Variants in GRID2 observed in about 807,000 individuals in gnomAD.
GRID2 encodes glutamate ionotropic receptor delta type subunit 2.
GRID2 carries 33 observed loss-of-function variants against 114.8 expected under a neutral mutation model. The observed-to-expected ratio is 0.29, with a 90% CI of 0.22 to 0.38. The LOEUF (loss-of-function observed/expected upper bound fraction) is 0.38. Ranked by LOEUF, GRID2 falls within the 10% of genes least tolerant of loss-of-function variation. The pLI is 1.00. For synonymous variants in GRID2, 505 were observed against 449.9 expected, an observed-to-expected ratio of 1.12 and a Z score of -1.55; for missense variants, 1,184 against 1,257.7, an observed-to-expected ratio of 0.94 and a Z score of 0.89.
Position 92,434,897 on chromosome 4 carries a change from C to T in GRID2, c.88+130153C>T, listed in dbSNP as rs539324467. On this transcript the variant is annotated intron_variant, in intron 1 of 15. Coordinates refer to ENST00000282020, the MANE Select transcript of GRID2 (RefSeq NM_001510.4). The stretch of plus-strand genomic sequence containing the variant: ...AATCCCTATAATGCTGTAGAAAATT[C>T]GAATATTTAAAAATAGAAGATTACT... 5.3e-5 allele frequency among the ~76,000 whole-genome samples: 8 copies of T among 152,016 alleles called. No individual in the cohort carries two copies. The East Asian group carries it at 7.8e-4, about 15-fold the overall frequency.
At chr4:92,834,021 C>T (rs549279635) in intron 2 of GRID2, 3 of 152,132 alleles carry the variant, frequency 2.0e-5, no homozygotes, top group Non-Finnish European at 2.9e-5. Context: ...GTCCCAAATT[C>T]GTTTTTTTAG....
chr4:92,350,336 A>G (rs191842634), intron 1 of GRID2, among the ~76,000 whole-genome samples: 85 of 151,984 alleles, frequency 5.6e-4, no homozygotes, highest in African/African-American at 1.9e-3. Context: ...CTTTCTTTAT[A>G]AAAGAATTTA....
At position 93,265,859 on chromosome 4, in the gene GRID2, C is replaced by T. The variant is rs546406727; in HGVS notation, c.1245+27369C>T. ...GGCAGACTAGAGGAGAGCTTTAGTA[C>T]CCCATCATTTCTTGTTGCATTTGTA... On this transcript the variant is annotated intron_variant, in intron 8 of 15. Transcript: ENST00000282020. Among the ~76,000 whole-genome samples, 5 of 152,214 alleles carry T rather than the reference C, an allele frequency of 3.3e-5. No individual in the cohort carries two copies. The East Asian group carries it at 9.7e-4, about 29-fold the overall frequency.
chr4:93,419,532 C>A (rs1768056883), intron 9 of GRID2, among the ~76,000 whole-genome samples: 1 of 151,850 alleles, frequency 6.6e-6, no homozygotes, highest in Non-Finnish European at 1.5e-5. Context: ...AGTAATGGTC[C>A]AAATCCGTAA....
At chr4:93,616,184 A>G (rs1741621367) in intron 13 of GRID2, among the ~76,000 whole-genome samples, 1 of 152,186 alleles carries the variant, frequency 6.6e-6, no homozygotes, top group African/African-American at 2.4e-5. Flanking sequence ...ACAGGTAAGC[A>G]ATGTTGTACA....
chr4:93,185,795 G>T (rs1006744513), intron 4 of GRID2, among the ~76,000 whole-genome samples: 1 of 151,950 alleles, frequency 6.6e-6, no homozygotes, highest in African/African-American at 2.4e-5. Context: ...TGTGCACTAC[G>T]TGCAGGTTTG....
intron 1 of GRID2, among the ~76,000 whole-genome samples, chr4:92,587,098 CTGTGTGTGTGTGTGTGTGTG>C (rs70942914): frequency 1.5e-5 from 2 of 133,764 alleles, no homozygotes; most frequent in East Asian, 2.4e-4. Context: ...TGATGAAATG[CTGTGTGTGTGTGTGTGTGTG>C]TGTGTGTGTG....
chr4:92,729,689 T>C (rs1280104705), intron 2 of GRID2, among the ~76,000 whole-genome samples: 1 of 152,008 alleles, frequency 6.6e-6, no homozygotes, highest in Non-Finnish European at 1.5e-5. Context: ...ACTTCATACA[T>C]CATGGGGAAA....
At chr4:92,702,404 A>G (rs1245938282) in intron 2 of GRID2, 1 of 152,278 alleles carries the variant, frequency 6.6e-6, no homozygotes, top group African/African-American at 2.4e-5. Context: ...CATTCCCTAC[A>G]CTCATTGAAT....
chr4:93,110,600 A>G (rs1732672392), intron 3 of GRID2, 148 bp from the exon 4 acceptor site: 2 of 652,144 alleles, frequency 3.1e-6, no homozygotes, highest in East Asian at 5.1e-5. Context: ...CCTTAAACAT[A>G]CTTGAGAGTT....
intron 14 of GRID2, among the ~76,000 whole-genome samples, chr4:93,757,022 C>T (rs1732806160): frequency 6.6e-6 from 1 of 152,126 alleles, no homozygotes; most frequent in South Asian, 2.1e-4. Context: ...ATGGGCAGTT[C>T]TCAGGAACAT....
At chr4:93,411,683 C>T (rs1034921649) in intron 9 of GRID2, among the ~76,000 whole-genome samples, 3 of 152,030 alleles carry the variant, frequency 2.0e-5, no homozygotes, top group South Asian at 2.1e-4. Flanking sequence ...CTGCCTGCCT[C>T]GGCCTCCCAA....
At chr4:93,581,595 C>A (rs1229746294) in intron 13 of GRID2, among the ~76,000 whole-genome samples, 1 of 152,102 alleles carries the variant, frequency 6.6e-6, no homozygotes, top group Non-Finnish European at 1.5e-5. Context: ...AATGCCGAAC[C>A]TACTCATGTA....
intron 9 of GRID2, among the ~76,000 whole-genome samples, chr4:93,406,484 C>T (rs928310384): frequency 3.3e-5 from 5 of 152,090 alleles, no homozygotes; most frequent in Admixed American, 6.6e-5. Context: ...AAAATATTTA[C>T]AGAAATGTGA....
intron 9 of GRID2, among the ~76,000 whole-genome samples, chr4:93,414,241 T>C (rs1433943826): frequency 6.6e-6 from 1 of 152,146 alleles, no homozygotes; most frequent in Non-Finnish European, 1.5e-5. Flanking sequence ...CTAATTGATC[T>C]CCCAGCTTCT....
intron 14 of GRID2, among the ~76,000 whole-genome samples, chr4:93,684,755 G>A (rs939227679): frequency 6.6e-6 from 1 of 152,000 alleles, no homozygotes; most frequent in Non-Finnish European, 1.5e-5. Flanking sequence ...AGTATCTATT[G>A]TATAGGGGGA....
At chr4:92,731,698 G>T (rs1281008028) in intron 2 of GRID2, among the ~76,000 whole-genome samples, 1 of 151,846 alleles carries the variant, frequency 6.6e-6, no homozygotes, top group Admixed American at 6.6e-5. Flanking sequence ...TAATTAAATT[G>T]AGTAACTTTA....
At chr4:92,714,605 T>C (rs1279498030) in intron 2 of GRID2, among the ~76,000 whole-genome samples, 1 of 152,130 alleles carries the variant, frequency 6.6e-6, no homozygotes, top group Non-Finnish European at 1.5e-5. Context: ...TTTCCATACA[T>C]CCTCTGAAAT....
At chr4:92,874,078 C>A (rs1745462817) in intron 2 of GRID2, among the ~76,000 whole-genome samples, 3 of 152,120 alleles carry the variant, frequency 2.0e-5, no homozygotes, top group Admixed American at 6.6e-5. Context: ...TTCTTACACT[C>A]AGGAAGAGAA....
Sources: allele counts gnomAD v4.1 joint callset (sites outside exome capture counted in the v4.1 genomes callset), GRCh38; gene constraint gnomAD v4.1.1; transcripts MANE v1.5; gene names NCBI Gene and HGNC (gene_info 2026-07-23, HGNC 2026-07-21).